Variants in NCOA1 observed in about 807,000 individuals in gnomAD.
The protein encoded by NCOA1 is Hin-2 protein.
Under a neutral mutation model 150.9 loss-of-function variants are expected in NCOA1, and 35 were observed. The ratio of observed to expected loss-of-function variants is 0.23; its 90% CI spans 0.18 to 0.31. The LOEUF (loss-of-function observed/expected upper bound fraction) is 0.31, where lower values mean the gene tolerates loss of function less well. NCOA1 is among the 10% of genes least tolerant of loss of function. NCOA1 has a pLI of 1.00. For synonymous variants in NCOA1, 590 were observed against 630.0 expected, an observed-to-expected ratio of 0.94 and a Z score of 0.95; for missense variants, 1,491 against 1,749.3, an observed-to-expected ratio of 0.85 and a Z score of 2.63.
At chr2:24,623,954 G>C (rs1168835322) in intron 3 of NCOA1, among the ~76,000 whole-genome samples, 3 of 152,142 alleles carry the variant, frequency 2.0e-5, no homozygotes, top group Non-Finnish European at 4.4e-5. Context: ...ACACAATTCA[G>C]TCTATAACAG....
At chr2:24,644,300 A>G (rs1670364884) in intron 4 of NCOA1, among the ~76,000 whole-genome samples, 178 bp downstream of exon 4, 1 of 152,186 alleles carries the variant, frequency 6.6e-6, no homozygotes, top group Non-Finnish European at 1.5e-5. Flanking sequence ...GTTCTAGGAT[A>G]CACTTTATGA....
intron 20 of NCOA1, among the ~76,000 whole-genome samples, chr2:24,755,147 A>G (rs532723255): frequency 1.3e-5 from 2 of 152,362 alleles, no homozygotes; most frequent in South Asian, 2.1e-4. Context: ...CGAAGAGTCT[A>G]GTTGGTGAGG....
intron 1 of NCOA1, among the ~76,000 whole-genome samples, chr2:24,563,642 C>G (rs1186351216): frequency 6.6e-6 from 1 of 151,992 alleles, no homozygotes; most frequent in Non-Finnish European, 1.5e-5. Context: ...CTCAGCCTCC[C>G]GAGTAGCTGG....
At chr2:24,645,596 T>C (rs2148466393) in intron 4 of NCOA1, among the ~76,000 whole-genome samples, 1 of 152,242 alleles carries the variant, frequency 6.6e-6, no homozygotes, top group East Asian at 1.9e-4. Context: ...ATGATACATT[T>C]GTATTTACAC....
intron 3 of NCOA1, among the ~76,000 whole-genome samples, chr2:24,591,374 C>G (rs1371807501): frequency 6.6e-6 from 1 of 152,174 alleles, no homozygotes; most frequent in Non-Finnish European, 1.5e-5. Context: ...CTTGATCTCT[C>G]TGTGCCTTAG....
intron 20 of NCOA1, among the ~76,000 whole-genome samples, chr2:24,753,480 C>G (rs537972462): frequency 6.6e-6 from 1 of 152,294 alleles, no homozygotes; most frequent in South Asian, 2.1e-4. Flanking sequence ...ACTCCTACTC[C>G]TTGTTGAACT....
At chr2:24,680,587 G>A (rs1332732204) in intron 7 of NCOA1, among the ~76,000 whole-genome samples, 2 of 152,158 alleles carry the variant, frequency 1.3e-5, no homozygotes, top group Non-Finnish European at 2.9e-5. Context: ...GGGGGGATTG[G>A]AGGGATGTTG....
intron 19 of NCOA1, among the ~76,000 whole-genome samples, chr2:24,751,304 C>T (rs986010572): frequency 1.3e-5 from 2 of 149,334 alleles, no homozygotes; most frequent in African/African-American, 2.5e-5. Flanking sequence ...AATTTACAGC[C>T]GGGCGCGGTG....
chr2:24,681,650 A>G (rs1004539169), intron 7 of NCOA1, among the ~76,000 whole-genome samples: 15 of 151,618 alleles, frequency 9.9e-5, no homozygotes, highest in African/African-American at 2.9e-4. Context: ...ATCCTGAAGG[A>G]AAAAAAATTT....
intron 10 of NCOA1, among the ~76,000 whole-genome samples, chr2:24,695,328 C>G (rs1402434178): frequency 6.6e-6 from 1 of 152,008 alleles, no homozygotes; most frequent in African/African-American, 2.4e-5. Flanking sequence ...AGAATCCAAC[C>G]TAGATTTACA....
intron 1 of NCOA1, among the ~76,000 whole-genome samples, chr2:24,514,873 A>G (rs1251272887): frequency 1.3e-5 from 2 of 152,252 alleles, no homozygotes; most frequent in Non-Finnish European, 2.9e-5. Context: ...ATGCAAAGTA[A>G]ATATTAAGTG....
At chr2:24,692,368 T>G (rs970121434) in intron 9 of NCOA1, among the ~76,000 whole-genome samples, 1 of 152,176 alleles carries the variant, frequency 6.6e-6, no homozygotes, top group Non-Finnish European at 1.5e-5. Context: ...ATGCCAAATC[T>G]TACTTGATTA....
chr2:24,616,949 T>A (rs559496827), intron 3 of NCOA1, among the ~76,000 whole-genome samples: 1 of 152,300 alleles, frequency 6.6e-6, no homozygotes, highest in South Asian at 2.1e-4. Flanking sequence ...AGGTCGAAAT[T>A]GTGAACATAG....
chr2:24,594,218 G>A (rs1012060607), intron 3 of NCOA1, among the ~76,000 whole-genome samples: 1 of 151,956 alleles, frequency 6.6e-6, no homozygotes, highest in Non-Finnish European at 1.5e-5. Context: ...TTCCTTTTGT[G>A]AATTCAATAA....
At chr2:24,682,734 G>A (rs1672234404) in intron 7 of NCOA1, among the ~76,000 whole-genome samples, 1 of 151,996 alleles carries the variant, frequency 6.6e-6, no homozygotes, top group Non-Finnish European at 1.5e-5. Context: ...ATCCTTCTGT[G>A]TGCTTATGGA....
chr2:24,753,105 G>A (rs2148681902), intron 20 of NCOA1, among the ~76,000 whole-genome samples: 1 of 152,302 alleles, frequency 6.6e-6, no homozygotes, highest in East Asian at 1.9e-4. Flanking sequence ...GTAGGTCTCA[G>A]TGAGGACCAT....
At chr2:24,699,593 G>A (rs1388206529) in intron 11 of NCOA1, among the ~76,000 whole-genome samples, 2 of 152,058 alleles carry the variant, frequency 1.3e-5, no homozygotes, top group African/African-American at 4.8e-5. Flanking sequence ...AGAAATAACT[G>A]TATTTTTCTT....
At position 24,769,239 on chromosome 2, in the gene NCOA1, G is replaced by A. The variant is rs1432445864; in HGVS notation, c.*848G>A. 1.6e-5 allele frequency: 3 copies of A among 189,288 alleles called. No individual in the cohort carries two copies. The highest frequency in any genetic ancestry group is 3.3e-5 in the Non-Finnish European group (3 of 90,004). 11.7% of individuals were successfully genotyped at this position (189,288 alleles called of 1,614,324 possible). A position where few individuals can be genotyped will look rare whatever the true frequency, so the allele number is the denominator to read the frequency against. ...TTATTTAAAATAAAATTAAATTTAT[G>A]ATCCAAGTAGCTTATTTTTCCCTTT... On this transcript the variant is annotated 3_prime_UTR_variant, in exon 23 of 23. Transcript: ENST00000348332.
intron 3 of NCOA1, among the ~76,000 whole-genome samples, chr2:24,610,002 T>G (rs1181184972): frequency 1.3e-5 from 2 of 152,090 alleles, no homozygotes; most frequent in African/African-American, 2.4e-5. Context: ...TTATTGGCTT[T>G]GATTTCATTG....
Sources: gnomAD v4.1 joint callset for allele counts (sites outside exome capture counted in the v4.1 genomes callset) on GRCh38, gnomAD v4.1.1 for gene constraint, MANE v1.5 for transcripts, NCBI Gene and HGNC (gene_info 2026-07-23, HGNC 2026-07-21) for gene names.